ARSJ: variants seen among roughly 807,000 people sequenced by gnomAD.
The protein encoded by ARSJ is arylsulfatase J.
A neutral mutation model predicts 35.9 loss-of-function variants in ARSJ; 26 were observed. That is an observed-to-expected ratio of 0.72 (90% CI 0.53 to 1.00). The LOEUF (loss-of-function observed/expected upper bound fraction) is 1.00. Among genes scored for constraint, ARSJ ranks in the 50% least tolerant of loss-of-function variants. The probability of loss-of-function intolerance (pLI) is 0.00; values close to 1 mark genes in which losing one functional copy is unlikely to be tolerated. For synonymous variants in ARSJ, 294 were observed against 267.6 expected, an observed-to-expected ratio of 1.10 and a Z score of -0.96; for missense variants, 667 against 723.6, an observed-to-expected ratio of 0.92 and a Z score of 0.90.
Position 113,903,069 on chromosome 4 carries a change from T to A in ARSJ, c.1005A>T (p.Gly335=), listed in dbSNP as rs745873264. ...SSDNGGQPTA[G]GSNWPLRGSK... ...TACCTCTGAGAGGCCAGTTACTCCC[T>A]CCTGCCGTAGGCTGGCCACCATTAT... is the stretch of plus-strand genomic sequence containing the variant. The change falls in exon 2 of 2, where the codon GGA becomes GGT. Residue 335 remains glycine, a synonymous_variant. Coordinates refer to ENST00000315366, the MANE Select transcript of ARSJ (RefSeq NM_024590.4). 1 of 1,613,700 alleles carries A rather than the reference T, an allele frequency of 6.2e-7. No individual in the cohort carries two copies. Among genetic ancestry groups the A allele is most frequent in the Non-Finnish European group, 8.5e-7 (1 of 1,179,964 alleles).
At chr4:113,945,391 G>C (rs115352190) in intron 1 of ARSJ, among the ~76,000 whole-genome samples, 6 of 152,068 alleles carry the variant, frequency 3.9e-5, no homozygotes, top group Admixed American at 3.9e-4. Context: ...TCCCACATCA[G>C]CCTCCTAAAG....
In ARSJ at chr4:113,902,607, A is replaced by G. The variant is rs1486220068; in HGVS notation, c.1467T>C (p.Thr489=). ...TGTTGAAAAGCCATACACTTTTGCC[A>G]GTTGACAAGGTGATCCGTTCATTGT... ...RWHNERITLS[T]GKSVWLFNIT... The change falls in exon 2 of 2, where the codon ACT becomes ACC. Residue 489 remains threonine (T), a synonymous_variant. Coordinates refer to ENST00000315366, the MANE Select transcript of ARSJ (RefSeq NM_024590.4). 6.2e-7 allele frequency: 1 copy of G among 1,614,128 alleles called. No homozygotes were observed. Among genetic ancestry groups the G allele is most frequent in the Non-Finnish European group, 8.5e-7 (1 of 1,180,006 alleles).
chr4:113,957,022 C>T (rs2149278290), intron 1 of ARSJ, among the ~76,000 whole-genome samples: 1 of 152,100 alleles, frequency 6.6e-6, no homozygotes, highest in South Asian at 2.1e-4. Flanking sequence ...GCTGTAGCAG[C>T]AAGATGGACC....
intron 1 of ARSJ, among the ~76,000 whole-genome samples, chr4:113,907,124 T>A (rs565584712): frequency 6.2e-4 from 94 of 152,290 alleles, no homozygotes; most frequent in South Asian, 2.3e-3. Flanking sequence ...TATCAGTACT[T>A]TTTGAAAAAT....
chr4:113,957,420 T>C (rs964922633), intron 1 of ARSJ, among the ~76,000 whole-genome samples: 1 of 152,050 alleles, frequency 6.6e-6, no homozygotes, highest in African/African-American at 2.4e-5. Context: ...CAATACATTG[T>C]ATTGGGAAAA....
intron 1 of ARSJ, among the ~76,000 whole-genome samples, chr4:113,972,293 G>GAAAAAAAAAAAAA (rs750176630): frequency 1.6e-5 from 1 of 61,614 alleles, no homozygotes; most frequent in African/African-American, 5.7e-5. Flanking sequence ...AGATGATCTG[G>GAAAAAAAAAAAAA]AAAAAAAAAA....
rs528054011 is a variant in ARSJ, at chr4:113,971,727, A to T, written c.398+6710T>A. ...CATTTTTCTAAATGTTTAAGTATCAACTAAATATATATGAAAGTAATGACT... is the reference window on the plus strand; with the variant it reads ...CATTTTTCTAAATGTTTAAGTATCATCTAAATATATATGAAAGTAATGACT... On this transcript the variant is annotated intron_variant, in intron 1 of 1. Transcript: ENST00000315366. Among the ~76,000 whole-genome samples, 6 of 152,368 alleles carry T rather than the reference A, an allele frequency of 3.9e-5. No homozygotes were observed. The South Asian group carries it at 1.2e-3, about 32-fold the overall frequency.
chr4:113,948,476 G>A (rs915341959), intron 1 of ARSJ, among the ~76,000 whole-genome samples: 13 of 152,032 alleles, frequency 8.6e-5, no homozygotes, highest in Non-Finnish European at 1.9e-4. Flanking sequence ...TATATTAAGT[G>A]TCATATTTTA....
intron 1 of ARSJ, among the ~76,000 whole-genome samples, chr4:113,932,510 T>C (rs1240019314): frequency 2.6e-5 from 4 of 152,032 alleles, no homozygotes; most frequent in Non-Finnish European, 5.9e-5. Context: ...TCAAATATCT[T>C]TTCTGACCAA....
At position 113,972,975 on chromosome 4, in the gene ARSJ, T is replaced by C. The variant is rs76283254; in HGVS notation, c.398+5462A>G. Among the ~76,000 whole-genome samples, 2,038 of 152,328 alleles carry C rather than the reference T, an allele frequency of 0.013. 114 individuals are homozygous for C. In the East Asian group the frequency reaches 0.16, roughly 12 times the overall value. On this transcript the variant is annotated intron_variant, in intron 1 of 1. Coordinates refer to ENST00000315366, the MANE Select transcript of ARSJ (RefSeq NM_024590.4). ...CTTTGAAAAGTAAGGCAACAGACAA[T>C]AGACTCATTATCTTTGCTGTTAGAG...
At chr4:113,952,950 G>T (rs1284819515) in intron 1 of ARSJ, among the ~76,000 whole-genome samples, 6 of 152,056 alleles carry the variant, frequency 3.9e-5, no homozygotes, top group South Asian at 2.1e-4. Context: ...TCCAAGCTAA[G>T]ATCAAAATTA....
At chr4:113,929,729 A>T (rs1724310515) in intron 1 of ARSJ, among the ~76,000 whole-genome samples, 1 of 152,068 alleles carries the variant, frequency 6.6e-6, no homozygotes, top group African/African-American at 2.4e-5. Flanking sequence ...ATCTTAGCAG[A>T]TTTGAGGCTC....
chr4:113,950,560 G>A (rs533907154), intron 1 of ARSJ, among the ~76,000 whole-genome samples: 2 of 152,138 alleles, frequency 1.3e-5, no homozygotes, highest in Admixed American at 6.5e-5. Context: ...AGGGAAAAAG[G>A]GTGAATATAA....
chr4:113,931,178 A>T (rs879259042), intron 1 of ARSJ, among the ~76,000 whole-genome samples: 98 of 145,328 alleles, frequency 6.7e-4, no homozygotes, highest in Non-Finnish European at 1.1e-3. Context: ...AGTATAATTT[A>T]AAAAAAAATA....
intron 1 of ARSJ, among the ~76,000 whole-genome samples, chr4:113,918,042 A>G (rs1033060097): frequency 1.3e-5 from 2 of 152,180 alleles, no homozygotes; most frequent in East Asian, 1.9e-4. Context: ...TTCCCAACCT[A>G]TTGGTTATTG....
chr4:113,969,180 G>A (rs758156494), intron 1 of ARSJ, among the ~76,000 whole-genome samples: 8 of 152,078 alleles, frequency 5.3e-5, no homozygotes, highest in Admixed American at 3.3e-4. Context: ...CACAGGCTTA[G>A]CAGGGTTCCA....
chr4:113,901,419 C>G lies in ARSJ; in HGVS notation c.*855G>C, dbSNP rs1594367333. The G allele has an allele frequency of 6.6e-6, 1 of 152,078 alleles. No individual in the cohort carries two copies. The highest frequency in any genetic ancestry group is 1.5e-5 in the Non-Finnish European group (1 of 67,996). The allele number at this position is 152,078 out of a possible 1,614,324, so 9.4% of individuals were successfully genotyped here. On this transcript the variant is annotated 3_prime_UTR_variant, in exon 2 of 2. Coordinates refer to ENST00000315366, the MANE Select transcript of ARSJ (RefSeq NM_024590.4). ...TACATTAATTTATAGTATTACAGTG[C>G]TTGGTAATTTGAAGAAATGAAATAA...
At chr4:113,944,395 G>A (rs372614055) in intron 1 of ARSJ, 1 of 151,986 alleles carries the variant, frequency 6.6e-6, no homozygotes, top group African/African-American at 2.4e-5. Context: ...TTCCCTGTCA[G>A]GTAGGCAGGT....
chr4:113,945,500 T>C lies in ARSJ; in HGVS notation c.398+32937A>G, dbSNP rs572863381. Among the ~76,000 whole-genome samples the C allele has an allele frequency of 1.1e-3, 160 of 152,174 alleles. 4 individuals are homozygous for C. In the South Asian group the frequency reaches 0.033, roughly 31 times the overall value. On this transcript the variant is annotated intron_variant, in intron 1 of 1. Transcript: ENST00000315366. Reference sequence around the variant, plus strand: ...TGACACAAGAGAGGACAGAAGTAAGTAAACTTTTAATAGTTAGGATCAAAA... The same window carrying C: ...TGACACAAGAGAGGACAGAAGTAAGCAAACTTTTAATAGTTAGGATCAAAA...
Sources: allele counts gnomAD v4.1 joint callset (sites outside exome capture counted in the v4.1 genomes callset), GRCh38; gene constraint gnomAD v4.1.1; transcripts MANE v1.5; gene names NCBI Gene and HGNC (gene_info 2026-07-23, HGNC 2026-07-21).